Variants in HMBOX1 observed in about 807,000 individuals in gnomAD.
The protein encoded by HMBOX1 is homeobox containing 1, also known as homeobox-containing protein 1.
Under a neutral mutation model 54.5 loss-of-function variants are expected in HMBOX1, and 14 were observed. The observed-to-expected ratio is 0.26, with a 90% confidence interval of 0.17 to 0.40. The LOEUF (loss-of-function observed/expected upper bound fraction) is 0.40. HMBOX1 is among the 10% of genes least tolerant of loss of function. The pLI is 1.00. For synonymous variants in HMBOX1, 160 were observed against 181.0 expected, an observed-to-expected ratio of 0.88 and a Z score of 0.93; for missense variants, 332 against 514.4, an observed-to-expected ratio of 0.65 and a Z score of 3.43.
chr8:28,907,122 A>G (rs1031438889), intron 1 of HMBOX1, among the ~76,000 whole-genome samples: 1 of 152,234 alleles, frequency 6.6e-6, no homozygotes, highest in African/African-American at 2.4e-5. Context: ...TGAATCGTCT[A>G]TATAGGGTTC....
At chr8:29,027,535 A>G (rs1802255881) in intron 6 of HMBOX1, among the ~76,000 whole-genome samples, 1 of 152,174 alleles carries the variant, frequency 6.6e-6, no homozygotes. Flanking sequence ...ACAAAAGAAT[A>G]AGACCTGGCT....
intron 5 of HMBOX1, among the ~76,000 whole-genome samples, chr8:29,011,753 G>T (rs946342405): frequency 1.3e-5 from 2 of 151,226 alleles, no homozygotes; most frequent in African/African-American, 2.4e-5. Flanking sequence ...TTAGCTTTTA[G>T]TCTTAATTTC....
intron 1 of HMBOX1, chr8:28,890,918 G>T (rs1205314157): frequency 6.6e-6 from 1 of 152,094 alleles, no homozygotes; most frequent in African/African-American, 2.4e-5. Flanking sequence ...GGCGTCGACT[G>T]CCCCCCAACT....
chr8:28,952,375 A>G (rs963695770), intron 1 of HMBOX1, among the ~76,000 whole-genome samples: 6 of 152,030 alleles, frequency 3.9e-5, no homozygotes, highest in Non-Finnish European at 8.8e-5. Context: ...CTGGGATTAC[A>G]GGCCCCCACC....
At chr8:28,914,395 ACC>A (rs1157267157) in intron 1 of HMBOX1, among the ~76,000 whole-genome samples, 1 of 152,202 alleles carries the variant, frequency 6.6e-6, no homozygotes, top group Non-Finnish European at 1.5e-5. Flanking sequence ...TCAAATAGAT[ACC>A]CCATCTATTA....
intron 1 of HMBOX1, among the ~76,000 whole-genome samples, chr8:28,937,203 C>T (rs1350074685): frequency 1.3e-5 from 2 of 152,118 alleles, no homozygotes; most frequent in African/African-American, 4.8e-5. Context: ...GTACAGATGT[C>T]CTAAATCTTT....
chr8:29,007,997 G>T (rs868403924), intron 4 of HMBOX1, among the ~76,000 whole-genome samples: 3 of 152,072 alleles, frequency 2.0e-5, no homozygotes, highest in African/African-American at 7.2e-5. Context: ...GATGCTAGAG[G>T]GTGTGATTAC....
chr8:29,047,628 C>T (rs909507259), intron 8 of HMBOX1, among the ~76,000 whole-genome samples, 175 bp downstream of exon 8: 2 of 142,992 alleles, frequency 1.4e-5, no homozygotes, highest in East Asian at 2.1e-4. Flanking sequence ...AGTGCAGTGG[C>T]GCGATGTTGG....
chr8:28,966,095 AT>A (rs1326688154), intron 2 of HMBOX1, among the ~76,000 whole-genome samples: 1 of 152,140 alleles, frequency 6.6e-6, no homozygotes, highest in Non-Finnish European at 1.5e-5. Flanking sequence ...TACCTCTGTG[AT>A]TTCAAGATTA....
chr8:28,997,382 G>A (rs1034948535), intron 4 of HMBOX1, among the ~76,000 whole-genome samples: 3 of 152,038 alleles, frequency 2.0e-5, no homozygotes, highest in African/African-American at 7.3e-5. Flanking sequence ...GTCATTTATT[G>A]ATGTGACTGT....
At chr8:29,035,023 C>T (rs891838470) in intron 6 of HMBOX1, among the ~76,000 whole-genome samples, 1 of 152,120 alleles carries the variant, frequency 6.6e-6, no homozygotes, top group African/African-American at 2.4e-5. Flanking sequence ...TATTGTGTTT[C>T]TCCCTCCGCC....
chr8:29,043,365 G>A (rs1254135951), intron 6 of HMBOX1, among the ~76,000 whole-genome samples: 1 of 152,208 alleles, frequency 6.6e-6, no homozygotes, highest in Non-Finnish European at 1.5e-5. Context: ...ACTCCTCAGT[G>A]ACGCCTTTCC....
intron 4 of HMBOX1, among the ~76,000 whole-genome samples, chr8:29,006,065 T>C (rs1158682913): frequency 6.7e-6 from 1 of 149,184 alleles, no homozygotes; most frequent in Non-Finnish European, 1.5e-5. Flanking sequence ...CAATCTTGGC[T>C]CACTACAACC....
intron 1 of HMBOX1, among the ~76,000 whole-genome samples, chr8:28,960,753 C>CTTTTTTTTTTTT (rs1023356056): frequency 7.6e-5 from 5 of 65,656 alleles, no homozygotes; most frequent in African/African-American, 1.9e-4. Flanking sequence ...TTCTCTTTTT[C>CTTTTTTTTTTTT]TTTTTCTTTT....
intron 4 of HMBOX1, among the ~76,000 whole-genome samples, chr8:29,001,900 T>G (rs1376633930): frequency 1.3e-5 from 2 of 152,208 alleles, no homozygotes; most frequent in African/African-American, 4.8e-5. Context: ...AGAATGTAAA[T>G]GCTGACTGTC....
chr8:28,979,559 A>G (rs1278390647), intron 3 of HMBOX1, among the ~76,000 whole-genome samples: 5 of 152,172 alleles, frequency 3.3e-5, no homozygotes, highest in African/African-American at 7.2e-5. Context: ...AATGGCTAAC[A>G]TTTTTACGGT....
chr8:29,012,169 C>T (rs1201890660), intron 5 of HMBOX1, among the ~76,000 whole-genome samples: 1 of 152,138 alleles, frequency 6.6e-6, no homozygotes, highest in African/African-American at 2.4e-5. Context: ...ATTATAAAGG[C>T]AAATATCACA....
intron 1 of HMBOX1, among the ~76,000 whole-genome samples, chr8:28,926,523 T>C (rs769006471): frequency 6.6e-6 from 1 of 152,186 alleles, no homozygotes; most frequent in Non-Finnish European, 1.5e-5. Flanking sequence ...TGTAATTGAC[T>C]GGAGTAAACT....
At chr8:29,010,154 T>G in intron 5 of HMBOX1, 1 of 976,590 alleles carries the variant, frequency 1.0e-6, no homozygotes, top group Non-Finnish European at 1.2e-6. Flanking sequence ...TCTACAATAA[T>G]ATTAAAAATC....
Sources: allele counts gnomAD v4.1 joint callset (sites outside exome capture counted in the v4.1 genomes callset), GRCh38; gene constraint gnomAD v4.1.1; transcripts MANE v1.5; gene names NCBI Gene and HGNC (gene_info 2026-07-23, HGNC 2026-07-21).